MYO9A: variants seen among roughly 807,000 people sequenced by gnomAD.
The protein encoded by MYO9A is unconventional myosin-IXa.
MYO9A carries 103 observed loss-of-function variants against 293.3 expected under a neutral mutation model. The observed-to-expected ratio is 0.35, with a 90% CI of 0.30 to 0.41. The LOEUF is 0.41. MYO9A is among the 10% of genes least tolerant of loss of function. The pLI is 1.00. For missense variants in MYO9A, 2,685 were observed against 3,033.0 expected (o/e 0.89, Z 2.69); for synonymous variants, 1,001 against 1,035.7 (o/e 0.97, Z 0.64).
chr15:71,894,960 A>G (rs1035792423), intron 25 of MYO9A, among the ~76,000 whole-genome samples: 1 of 152,198 alleles, frequency 6.6e-6, no homozygotes, highest in Non-Finnish European at 1.5e-5. Context: ...CTAACTTATG[A>G]TACTAGTTGG....
At position 71,991,123 on chromosome 15, in the gene MYO9A, G is replaced by A. The variant is rs987982108; in HGVS notation, c.1702C>T (p.His568Tyr). Reference sequence around the variant, plus strand: ...CTCACTTGTTCCAATTTAAAGATATGCTGATTAAAGTAGTGCTGTAAACGT... The same window carrying A: ...CTCACTTGTTCCAATTTAAAGATATACTGATTAAAGTAGTGCTGTAAACGT... ...NERLQHYFNQ[H>Y]IFKLEQEEYR... The change falls in exon 11 of 42, where the codon CAT becomes TAT. Residue 568 changes from histidine to tyrosine, a missense_variant. This residue lies in a region of MYO9A where 201 missense variants were observed against 245.2 expected (regional missense o/e 0.82). Coordinates refer to ENST00000356056, the MANE Select transcript of MYO9A (RefSeq NM_006901.4). 4 of 1,601,728 alleles carry A rather than the reference G, an allele frequency of 2.5e-6. No individual in the cohort carries two copies. The highest frequency in any genetic ancestry group is 3.4e-6 in the Non-Finnish European group (4 of 1,174,906).
At chr15:71,985,053 G>C (rs2076375076) in intron 11 of MYO9A, among the ~76,000 whole-genome samples, 1 of 152,142 alleles carries the variant, frequency 6.6e-6, no homozygotes, top group Admixed American at 6.5e-5. Flanking sequence ...TTGTATAGCT[G>C]GGATTACAGG....
In MYO9A at chr15:71,850,078, G is replaced by A. The variant is rs2055569625; in HGVS notation, c.6671C>T (p.Thr2224Ile). Residue 2224 changes from threonine to isoleucine, a missense_variant, in exon 38 of 42, where the codon ACT becomes ATT. Thr to Ile is a moderately conservative substitution (Grantham distance 89). Coordinates refer to ENST00000356056, the MANE Select transcript of MYO9A (RefSeq NM_006901.4). ...GTCCTGTACACTTTGTAGTGGGTCAGTGGTGTCAGGGCAGCGGAGAATGCA... is the reference window on the plus strand; with the variant it reads ...GTCCTGTACACTTTGTAGTGGGTCAATGGTGTCAGGGCAGCGGAGAATGCA... ...APCILRCPDT[T>I]DPLQSVQDIS... 2 of 1,614,016 alleles carry A rather than the reference G, an allele frequency of 1.2e-6. No individual in the cohort carries two copies. Among genetic ancestry groups the A allele is most frequent in the East Asian group, 2.2e-5 (1 of 44,896 alleles).
At chr15:72,026,036 G>A (rs1252176367) in intron 4 of MYO9A, among the ~76,000 whole-genome samples, 7 of 151,912 alleles carry the variant, frequency 4.6e-5, no homozygotes, top group Admixed American at 4.6e-4. Flanking sequence ...CATTTTGGGA[G>A]GCTGAGGCGG....
intron 17 of MYO9A, among the ~76,000 whole-genome samples, chr15:71,934,154 T>A (rs2058560145): frequency 6.6e-6 from 1 of 152,112 alleles, no homozygotes; most frequent in Admixed American, 6.6e-5. Context: ...TTCCACTCAT[T>A]TTTTTCCTTA....
intron 1 of MYO9A, among the ~76,000 whole-genome samples, chr15:72,077,528 C>A (rs1284063377): frequency 6.6e-6 from 1 of 151,692 alleles, no homozygotes; most frequent in African/African-American, 2.4e-5. Context: ...TCCATCTCTA[C>A]TAAAAATACA....
At position 71,993,253 on chromosome 15, in the gene MYO9A, G is replaced by C. The variant is rs186426769; in HGVS notation, c.1587+1216C>G. On this transcript the variant is annotated intron_variant, in intron 10 of 41. Coordinates refer to ENST00000356056, the MANE Select transcript of MYO9A (RefSeq NM_006901.4). ...TAATCCCAGGTACTTGGGAGGCTGA[G>C]GCAGGAGAATCACTTGAACCCAGGA... 5.6e-3 allele frequency among the ~76,000 whole-genome samples: 859 copies of C among 152,186 alleles called. 12 individuals carry two copies. Among genetic ancestry groups the C allele is most frequent in the African/African-American group, 0.02 (813 of 41,516 alleles).
chr15:71,904,379 G>A (rs952279393), intron 20 of MYO9A, among the ~76,000 whole-genome samples: 1 of 152,212 alleles, frequency 6.6e-6, no homozygotes, highest in African/African-American at 2.4e-5. Context: ...ACAACTGGGT[G>A]TAGTGGCTCA....
chr15:72,058,357 A>G (rs569754706), intron 1 of MYO9A, among the ~76,000 whole-genome samples: 2 of 152,344 alleles, frequency 1.3e-5, no homozygotes, highest in Admixed American at 6.5e-5. Flanking sequence ...ATAATCAAAA[A>G]TAAGTTTGAT....
At chr15:71,859,708 TA>T (rs776660128) in intron 34 of MYO9A, 26 bp downstream of exon 34, 43 of 1,580,572 alleles carry the variant, frequency 2.7e-5, no homozygotes, top group Non-Finnish European at 3.6e-5. Context: ...GTCTGTTATC[TA>T]TTACTGATAG....
chr15:71,887,319 C>T (rs1317571579), intron 27 of MYO9A, among the ~76,000 whole-genome samples: 1 of 152,206 alleles, frequency 6.6e-6, no homozygotes, highest in South Asian at 2.1e-4. Flanking sequence ...CCAAAATATT[C>T]CTCTTTGAGA....
intron 1 of MYO9A, among the ~76,000 whole-genome samples, chr15:72,054,046 G>A (rs528827579): frequency 6.6e-6 from 1 of 152,224 alleles, no homozygotes; most frequent in South Asian, 2.1e-4. Context: ...GTTTTCAGTA[G>A]ACACACATCT....
chr15:72,053,846 G>GA (rs1268429877), intron 1 of MYO9A, among the ~76,000 whole-genome samples: 9 of 151,994 alleles, frequency 5.9e-5, no homozygotes, highest in African/African-American at 7.2e-5. Flanking sequence ...CTAGTAGAGT[G>GA]AAAAAACAGA....
intron 13 of MYO9A, 33 bp from the exon 14 acceptor site, chr15:71,960,129 G>A (rs1035090233): frequency 1.3e-6 from 2 of 1,559,282 alleles, no homozygotes; most frequent in East Asian, 2.3e-5. Flanking sequence ...TTACTTATGG[G>A]AAAAAAAAAT....
At chr15:71,965,842 T>C (rs1240295507) in intron 13 of MYO9A, among the ~76,000 whole-genome samples, 2 of 152,180 alleles carry the variant, frequency 1.3e-5, no homozygotes, top group African/African-American at 2.4e-5. Flanking sequence ...TTTGTATCTC[T>C]AGTAATATTT....
At chr15:71,908,414 C>T (rs1341150279) in intron 19 of MYO9A, among the ~76,000 whole-genome samples, 7 of 152,306 alleles carry the variant, frequency 4.6e-5, no homozygotes, top group South Asian at 2.1e-4. Flanking sequence ...CTGCCTGCCT[C>T]GGCCTCCCAA....
chr15:72,101,017 TAGG>T (rs1353486716), intron 1 of MYO9A, among the ~76,000 whole-genome samples: 1 of 88,202 alleles, frequency 1.1e-5, no homozygotes, highest in African/African-American at 4.2e-5. Context: ...GGGAGGGAGG[TAGG>T]CGGGTCAGCC....
chr15:72,028,571 C>A (rs1031903857), intron 3 of MYO9A, among the ~76,000 whole-genome samples: 1 of 150,798 alleles, frequency 6.6e-6, no homozygotes, highest in African/African-American at 2.4e-5. Context: ...CACTTGAACC[C>A]GGGAGGCAGA....
At chr15:72,027,884 A>G (rs1424612442) in intron 3 of MYO9A, 91 bp from the exon 4 acceptor site, 18 of 948,614 alleles carry the variant, frequency 1.9e-5, no homozygotes, top group Non-Finnish European at 2.6e-5. Context: ...TATAAAGAAT[A>G]CTATCCAGAT....
Sources: allele counts gnomAD v4.1 joint callset (sites outside exome capture counted in the v4.1 genomes callset), GRCh38; gene constraint gnomAD v4.1.1; regional missense constraint gnomAD v4.1.1; transcripts MANE v1.5; gene names NCBI Gene and HGNC (gene_info 2026-07-23, HGNC 2026-07-21).